The following CES5A variants were observed in gnomAD, a reference collection of about 807,000 sequenced individuals.
CES5A encodes carboxylesterase 5A, also known as carboxylesterase 5.
In CES5A, 67 loss-of-function variants were observed where a neutral mutation model predicts 62.9. The ratio of observed to expected loss-of-function variants is 1.07; its 90% CI spans 0.88 to 1.31. The LOEUF (loss-of-function observed/expected upper bound fraction) is 1.31. CES5A is among the 50% of genes most tolerant of loss of function. The pLI is 0.00. For synonymous variants in CES5A, 296 were observed against 280.8 expected, an observed-to-expected ratio of 1.05 and a Z score of -0.54; for missense variants, 748 against 708.5, an observed-to-expected ratio of 1.06 and a Z score of -0.63.
intron 1 of CES5A, among the ~76,000 whole-genome samples, chr16:55,881,510 C>T (rs1379777221): frequency 2.6e-5 from 4 of 152,198 alleles, no homozygotes; most frequent in East Asian, 1.9e-4. Flanking sequence ...AAGAATGCCT[C>T]GGGCAGATGC....
Position 55,871,678 on chromosome 16 carries a change from G to T in CES5A, c.364C>A (p.Leu122Ile), listed in dbSNP as rs1316054863. 2 of 1,614,020 alleles carry T rather than the reference G, an allele frequency of 1.2e-6. No individual in the cohort carries two copies. The highest frequency in any genetic ancestry group is 1.7e-6 in the Non-Finnish European group (2 of 1,180,022). The change falls in exon 3 of 13, where the codon CTC becomes ATC. Residue 122 changes from leucine (L) to isoleucine (I), a missense_variant. Coordinates refer to ENST00000290567, the MANE Select transcript of CES5A (RefSeq NM_001143685.2). ...YPKFGVSEDC[L>I]YLNIYAPAHA... ...GCAGGCGCATAGATGTTCAGGTAGA[G>T]GCAGTCTTCTGACACTCCGAATTTC... is the stretch of plus-strand genomic sequence containing the variant.
intron 4 of CES5A, 85 bp from the exon 5 acceptor site, chr16:55,866,201 G>GAAACACAC: frequency 1.4e-6 from 2 of 1,399,242 alleles, no homozygotes; most frequent in Non-Finnish European, 1.9e-6. Context: ...GAGGCTGTGG[G>GAAACACAC]CAGGGGTCAG....
chr16:55,912,209 G>T (rs558584458), intron 1 of CES5A, among the ~76,000 whole-genome samples: 1 of 152,360 alleles, frequency 6.6e-6, no homozygotes, highest in African/African-American at 2.4e-5. Flanking sequence ...TCTTCTCGCT[G>T]TCGTCAGTGT....
intron 1 of CES5A, among the ~76,000 whole-genome samples, chr16:55,951,155 A>C (rs114846966): frequency 0.018 from 2,706 of 148,896 alleles, 99 homozygotes; most frequent in African/African-American, 0.064. Flanking sequence ...CTTTTTTTGG[A>C]AACATTTACA....
intron 1 of CES5A, among the ~76,000 whole-genome samples, chr16:55,909,786 T>G (rs2034075410): frequency 6.6e-6 from 1 of 152,216 alleles, no homozygotes; most frequent in Non-Finnish European, 1.5e-5. Flanking sequence ...TGAATTTTGG[T>G]TACCTCTGCT....
rs1671771521 is a variant in CES5A, at chr16:55,875,296, A to G, written c.-75T>C. 1.8e-5 allele frequency: 28 copies of G among 1,576,220 alleles called. No individual in the cohort carries two copies. The South Asian group carries it at 3.1e-4, about 18-fold the overall frequency. On this transcript the variant is annotated 5_prime_UTR_variant, in exon 1 of 13. Transcript: ENST00000290567. Reference sequence around the variant, plus strand: ...AGAGAGCTTCAGTTGGGAGCCAGAAAGAGCTTCCTGTTAACAGGCAAATGC... The same window carrying G: ...AGAGAGCTTCAGTTGGGAGCCAGAAGGAGCTTCCTGTTAACAGGCAAATGC...
intron 2 of CES5A, chr16:55,944,406 T>G: frequency 3.0e-6 from 1 of 337,916 alleles, no homozygotes; most frequent in African/African-American, 2.1e-5. Context: ...CAGGGGCATC[T>G]TCTAGTCCCT....
intron 1 of CES5A, among the ~76,000 whole-genome samples, chr16:55,891,180 T>C (rs2033873169): frequency 1.3e-5 from 2 of 152,188 alleles, no homozygotes; most frequent in South Asian, 4.1e-4. Flanking sequence ...GTTTAGCCTG[T>C]GTGGTCTAAC....
intron 5 of CES5A, 152 bp from the exon 6 acceptor site, chr16:55,863,604 G>T: frequency 1.7e-6 from 1 of 599,230 alleles, no homozygotes; most frequent in African/African-American, 1.9e-5. Flanking sequence ...TAAAGGACTA[G>T]CTGTGAAGGT....
At chr16:55,938,901 A>G (rs1172096171) in intron 2 of CES5A, among the ~76,000 whole-genome samples, 1 of 149,800 alleles carries the variant, frequency 6.7e-6, no homozygotes, top group Non-Finnish European at 1.5e-5. Context: ...ACCAACTGAT[A>G]CTGGCTAATG....
At chr16:55,852,805 C>A in intron 10 of CES5A, 76 bp downstream of exon 10, 1 of 1,510,964 alleles carries the variant, frequency 6.6e-7, no homozygotes, top group Non-Finnish European at 9.0e-7. Context: ...GGCAGCCGCT[C>A]AGTAGACAAT....
At chr16:55,894,511 A>AAAAAAAG (rs1555484116) in intron 1 of CES5A, among the ~76,000 whole-genome samples, 7 of 150,728 alleles carry the variant, frequency 4.6e-5, no homozygotes, top group Admixed American at 6.6e-5. Flanking sequence ...AAAAAAAAAA[A>AAAAAAAG]AAAAGAAAAG....
At position 55,866,031 on chromosome 16, in the gene CES5A, A is replaced by G. The variant is rs201018331; in HGVS notation, c.637T>C (p.Phe213Leu). ...GTCACAGAGCTGGGGTCCCCACCGA[A>G]GAACTCGATGTTCTTCTGGACCCAG... ...LSWVQKNIEF[F>L]GGDPSSVTIF... Residue 213 changes from phenylalanine to leucine, a missense_variant, in exon 5 of 13, where the codon TTC becomes CTC. Transcript: ENST00000290567. The G allele has an allele frequency of 6.3e-4, 1,012 of 1,614,212 alleles. 15 individuals are homozygous for G. The South Asian group carries it at 8.1e-3, about 13-fold the overall frequency.
Position 55,852,977 on chromosome 16 carries a change from T to A in CES5A, c.1177A>T (p.Lys393Ter). The A allele has an allele frequency of 6.2e-7, 1 of 1,614,116 alleles. No homozygotes were observed. Among genetic ancestry groups the A allele is most frequent in the Non-Finnish European group, 8.5e-7 (1 of 1,180,008 alleles). ...TCTCGGATTTCAGTCAGGGAGTGCT[T>A]GTCATGGAAGTATTCATTAGCCACA... ...HLVANEYFHD[K>*]HSLTEIRDSL... Residue 393 changes from lysine to a stop codon, truncating the protein, a stop_gained, in exon 10 of 13, where the codon AAG (lysine) becomes TAG (stop). Coordinates refer to ENST00000290567, the MANE Select transcript of CES5A (RefSeq NM_001143685.2). LOFTEE classifies it high-confidence loss of function.
upstream of CES5A, among the ~76,000 whole-genome samples, chr16:55,878,878 CCCCCACCA>C (rs2033728964): frequency 6.8e-6 from 1 of 148,088 alleles, no homozygotes; most frequent in African/African-American, 2.5e-5. Flanking sequence ...CACCACTGCA[CCCCCACCA>C]TTTAACCACC....
At chr16:55,942,487 T>C (rs1462549648) in intron 2 of CES5A, among the ~76,000 whole-genome samples, 5 of 152,224 alleles carry the variant, frequency 3.3e-5, no homozygotes, top group Non-Finnish European at 7.3e-5. Context: ...AAATTTTAAC[T>C]ACAGTGAGAC....
At chr16:55,949,000 T>G (rs956711885) in intron 2 of CES5A, among the ~76,000 whole-genome samples, 2 of 152,166 alleles carry the variant, frequency 1.3e-5, no homozygotes, top group Non-Finnish European at 2.9e-5. Context: ...CTCCCCATAC[T>G]TTCTGGCTGG....
At position 55,889,658 on chromosome 16, in the gene CES5A, C is replaced by CT. The variant is rs1567342407; in HGVS notation, c.-255-15622_-255-15621insA. 3.9e-4 allele frequency among the ~76,000 whole-genome samples: 59 copies of CT among 151,502 alleles called. 1 individual carries two copies. The highest frequency in any genetic ancestry group is 1.2e-3 in the African/African-American group (51 of 41,016). ...TATCCAGAAGCTCTCCCAACCCAGT[C>CT]CTTTTTTTTTTTAATGGAGGCTTTA... On this transcript the variant is annotated intron_variant, in intron 1 of 12. Coordinates refer to the CES5A transcript ENST00000518005.
chr16:55,877,587 G>C (rs1397876941), upstream of CES5A, among the ~76,000 whole-genome samples: 2 of 152,032 alleles, frequency 1.3e-5, no homozygotes, highest in African/African-American at 4.8e-5. Flanking sequence ...TCTATTTGCT[G>C]TTCTCTCTAG....
Sources: allele counts gnomAD v4.1 joint callset (sites outside exome capture counted in the v4.1 genomes callset), GRCh38; gene constraint gnomAD v4.1.1; transcripts MANE v1.5; gene names NCBI Gene and HGNC (gene_info 2026-07-23, HGNC 2026-07-21).